COL26A1: variants seen among roughly 807,000 people sequenced by gnomAD.
COL26A1 encodes collagen type XXVI alpha 1 chain.
COL26A1 carries 41 observed loss-of-function variants against 59.3 expected under a neutral mutation model. The ratio of observed to expected loss-of-function variants is 0.69; its 90% CI spans 0.54 to 0.90. The LOEUF (loss-of-function observed/expected upper bound fraction) is 0.90, where lower values mean the gene tolerates loss of function less well. Among genes scored for constraint, COL26A1 ranks in the 40% least tolerant of loss-of-function variants. COL26A1 has a pLI of 0.00. For synonymous variants in COL26A1, 266 were observed against 256.0 expected (o/e 1.04, Z -0.37); for missense variants, 612 against 602.3 (o/e 1.02, Z -0.17).
intron 1 of COL26A1, among the ~76,000 whole-genome samples, chr7:101,380,076 C>T (rs907286980): frequency 6.6e-6 from 1 of 152,124 alleles, no homozygotes; most frequent in African/African-American, 2.4e-5. Context: ...ACTGCAACCT[C>T]TGCCTCCCGG....
At chr7:101,524,859 C>T (rs1795208510) in intron 3 of COL26A1, among the ~76,000 whole-genome samples, 1 of 152,118 alleles carries the variant, frequency 6.6e-6, no homozygotes, top group Admixed American at 6.5e-5. Context: ...ATGCTTTGGC[C>T]TGTGGTCCAG....
At chr7:101,389,616 C>T (rs561980018) in intron 1 of COL26A1, among the ~76,000 whole-genome samples, 4 of 151,982 alleles carry the variant, frequency 2.6e-5, no homozygotes, top group East Asian at 1.9e-4. Flanking sequence ...AGTGCAATGG[C>T]GCGATCTTGG....
At chr7:101,413,318 A>G (rs1017994869) in intron 1 of COL26A1, among the ~76,000 whole-genome samples, 1 of 152,194 alleles carries the variant, frequency 6.6e-6, no homozygotes, top group Admixed American at 6.5e-5. Context: ...CAGGAGTTCC[A>G]GACCAGTCTG....
intron 2 of COL26A1, among the ~76,000 whole-genome samples, chr7:101,435,187 T>A (rs1248706433): frequency 2.0e-5 from 3 of 152,100 alleles, no homozygotes; most frequent in Non-Finnish European, 4.4e-5. Flanking sequence ...TAGCCAGGTG[T>A]GATGGCGGTT....
intron 2 of COL26A1, among the ~76,000 whole-genome samples, chr7:101,439,486 G>C (rs1188026127): frequency 6.8e-6 from 1 of 147,166 alleles, no homozygotes; most frequent in Non-Finnish European, 1.5e-5. Context: ...CCCAGGAGGC[G>C]GAGGTTGCAG....
At chr7:101,431,093 C>T (rs1373794509) in intron 2 of COL26A1, among the ~76,000 whole-genome samples, 6 of 152,096 alleles carry the variant, frequency 3.9e-5, no homozygotes, top group South Asian at 2.1e-4. Context: ...TGAGTCACTG[C>T]GCCCAGCCTG....
At chr7:101,379,961 G>A (rs1380818861) in intron 1 of COL26A1, among the ~76,000 whole-genome samples, 1 of 152,196 alleles carries the variant, frequency 6.6e-6, no homozygotes, top group Non-Finnish European at 1.5e-5. Context: ...TGTCTATGGA[G>A]TAGCCATTCT....
chr7:101,443,725 T>C (rs970461713), intron 2 of COL26A1, among the ~76,000 whole-genome samples: 3 of 152,132 alleles, frequency 2.0e-5, no homozygotes, highest in Non-Finnish European at 4.4e-5. Context: ...CAAAAAAGCA[T>C]CCAACTTATG....
chr7:101,547,217 C>A lies in COL26A1; in HGVS notation c.918C>A (p.Pro306=). The change falls in exon 8 of 13, where the codon CCC becomes CCA. Residue 306 remains proline, a synonymous_variant. Transcript: ENST00000313669. ...VDTVLAGVPG[P]RGPPGPPGPP... Reference sequence around the variant, plus strand: ...CAGTGCTGGCAGGTGTCCCAGGACCCCGGGGTCCCCCTGGTCCACCAGGTA... The same window carrying A: ...CAGTGCTGGCAGGTGTCCCAGGACCACGGGGTCCCCCTGGTCCACCAGGTA... The A allele has an allele frequency of 6.3e-7, 1 of 1,586,828 alleles. No homozygotes were observed.
intron 3 of COL26A1, among the ~76,000 whole-genome samples, chr7:101,474,075 G>T (rs1793977489): frequency 6.6e-6 from 1 of 152,180 alleles, no homozygotes; most frequent in South Asian, 2.1e-4. Flanking sequence ...GGCTGGCAAA[G>T]CCCTGAGCCC....
In COL26A1 at chr7:101,371,079, G is replaced by T. The variant is rs916584146; in HGVS notation, c.158+7889G>T. On this transcript the variant is annotated intron_variant, in intron 1 of 12. Transcript: ENST00000313669. ...CGTGCATGAGCTGGAGCTTAGCCCT[G>T]CCCACCACCCACCACTGCCTCTTGG... is the stretch of plus-strand genomic sequence containing the variant. Among the ~76,000 whole-genome samples the T allele has an allele frequency of 1.8e-4, 28 of 152,300 alleles. 2 individuals carry two copies. The highest frequency in any genetic ancestry group is 5.5e-4 in the African/African-American group (23 of 41,562).
intron 3 of COL26A1, among the ~76,000 whole-genome samples, chr7:101,496,143 C>T (rs885501): frequency 0.26 from 39,670 of 152,034 alleles, 5,849 homozygotes; most frequent in Middle Eastern, 0.35. Flanking sequence ...CAGCAGCCCA[C>T]GTCTCCTGGC....
In COL26A1 at chr7:101,376,010, A is replaced by G. The variant is rs1791307915; in HGVS notation, c.158+12820A>G. ...CAAAGAAAAAAAAAAAAAAAAAGAAAATTAGCCAGGCACGGTGATGTGTGA... is the reference window on the plus strand; with the variant it reads ...CAAAGAAAAAAAAAAAAAAAAAGAAGATTAGCCAGGCACGGTGATGTGTGA... On this transcript the variant is annotated intron_variant, in intron 1 of 12. Coordinates refer to ENST00000313669, the MANE Select transcript of COL26A1 (RefSeq NM_001278563.3). Among the ~76,000 whole-genome samples the G allele has an allele frequency of 2.7e-5, 4 of 147,962 alleles. No homozygotes were observed. In the Admixed American group the frequency reaches 2.7e-4, roughly 10 times the overall value.
upstream of COL26A1, chr7:101,362,766 C>T: frequency 2.0e-6 from 1 of 498,744 alleles, no homozygotes. Flanking sequence ...CCACTGCCGC[C>T]TCCTCGGCCC....
chr7:101,374,969 G>A (rs553812596), intron 1 of COL26A1, among the ~76,000 whole-genome samples: 1 of 152,100 alleles, frequency 6.6e-6, no homozygotes, highest in African/African-American at 2.4e-5. Flanking sequence ...GCTGAGGCAG[G>A]AGAATCGCTT....
intron 3 of COL26A1, among the ~76,000 whole-genome samples, chr7:101,525,276 G>T (rs1348734830): frequency 6.9e-6 from 1 of 145,906 alleles, no homozygotes. Flanking sequence ...CTGTCTCCTG[G>T]GTTCAAGCCA....
chr7:101,490,768 G>A (rs1480550213), intron 3 of COL26A1, among the ~76,000 whole-genome samples: 1 of 151,956 alleles, frequency 6.6e-6, no homozygotes, highest in African/African-American at 2.4e-5. Flanking sequence ...GGAGGCCAAG[G>A]TGGGCGGACC....
intron 2 of COL26A1, among the ~76,000 whole-genome samples, chr7:101,438,406 C>T (rs1304900085): frequency 6.6e-6 from 1 of 151,392 alleles, no homozygotes; most frequent in Non-Finnish European, 1.5e-5. Flanking sequence ...AAAAGCATCA[C>T]TTGGGAGAAC....
intron 3 of COL26A1, among the ~76,000 whole-genome samples, chr7:101,494,746 C>T (rs1794544869): frequency 6.6e-6 from 1 of 152,358 alleles, no homozygotes; most frequent in African/African-American, 2.4e-5. Context: ...CCCGCTCCTC[C>T]TCCAGTCCCA....
Sources: gnomAD v4.1 joint callset for allele counts (sites outside exome capture counted in the v4.1 genomes callset) on GRCh38, gnomAD v4.1.1 for gene constraint, MANE v1.5 for transcripts, NCBI Gene and HGNC (gene_info 2026-07-23, HGNC 2026-07-21) for gene names.